The following KCNJ3 variants were observed in gnomAD, a reference collection of about 807,000 sequenced individuals.
The protein encoded by KCNJ3 is G protein-activated inward rectifier potassium channel 1.
KCNJ3 carries 4 observed loss-of-function variants against 39.2 expected under a neutral mutation model. That is an observed-to-expected ratio of 0.10 (90% confidence interval 0.05 to 0.23). The LOEUF (loss-of-function observed/expected upper bound fraction) is 0.23. Among genes scored for constraint, KCNJ3 ranks in the 10% least tolerant of loss-of-function variants. KCNJ3 has a pLI of 1.00. For missense variants in KCNJ3, 276 were observed against 634.9 expected (o/e 0.43, Z 6.08); for synonymous variants, 230 against 237.4 (o/e 0.97, Z 0.29).
intron 2 of KCNJ3, among the ~76,000 whole-genome samples, chr2:154,741,868 A>AT (rs1217663960): frequency 1.3e-5 from 2 of 151,882 alleles, no homozygotes; most frequent in East Asian, 1.9e-4. Context: ...CAAATCCTGT[A>AT]TTTTTTGTGG....
chr2:154,838,242 G>GCAT (rs1361116358), intron 2 of KCNJ3, among the ~76,000 whole-genome samples: 3 of 152,160 alleles, frequency 2.0e-5, no homozygotes, highest in Non-Finnish European at 2.9e-5. Context: ...GACATGCCAG[G>GCAT]CATCAACCAA....
intron 2 of KCNJ3, among the ~76,000 whole-genome samples, chr2:154,767,796 C>T (rs183426138): frequency 6.6e-6 from 1 of 152,322 alleles, no homozygotes; most frequent in African/African-American, 2.4e-5. Context: ...AGTTTACAGT[C>T]CCACCAACAG....
intron 2 of KCNJ3, among the ~76,000 whole-genome samples, chr2:154,827,397 T>A (rs1687288249): frequency 6.6e-6 from 1 of 152,180 alleles, no homozygotes; most frequent in Non-Finnish European, 1.5e-5. Flanking sequence ...ATTATCGTCC[T>A]GTGACTTAAT....
intron 2 of KCNJ3, among the ~76,000 whole-genome samples, chr2:154,801,495 CTTTTCTT>C (rs1426879076): frequency 6.6e-6 from 1 of 151,624 alleles, no homozygotes. Context: ...CTTTTCTTTT[CTTTTCTT>C]TTTTCTTTTC....
rs73005235 is a variant in KCNJ3 at position 154,786,465 on chromosome 2, C to T, written c.920-68262C>T. On this transcript the variant is annotated intron_variant, in intron 2 of 2. Coordinates refer to ENST00000295101, the MANE Select transcript of KCNJ3 (RefSeq NM_002239.4). Reference sequence around the variant, plus strand: ...GTATTTCAGGATCAATGATGCTATCCACCAAAGCTGTATAAATTAACAATT... The same window carrying T: ...GTATTTCAGGATCAATGATGCTATCTACCAAAGCTGTATAAATTAACAATT... Among the ~76,000 whole-genome samples the T allele has an allele frequency of 9.3e-3, 1,411 of 152,208 alleles. 14 individuals carry two copies. Among genetic ancestry groups the T allele is most frequent in the African/African-American group, 0.032 (1,327 of 41,524 alleles).
At chr2:154,815,336 A>T (rs1687065805) in intron 2 of KCNJ3, among the ~76,000 whole-genome samples, 1 of 152,220 alleles carries the variant, frequency 6.6e-6, no homozygotes, top group African/African-American at 2.4e-5. Context: ...CTCAATGGCT[A>T]ATTCTATTCC....
intron 2 of KCNJ3, among the ~76,000 whole-genome samples, chr2:154,829,116 ATTAT>A (rs553159052): frequency 6.6e-6 from 1 of 152,132 alleles, no homozygotes; most frequent in East Asian, 1.9e-4. Flanking sequence ...AAACTCAAAT[ATTAT>A]TTATTTATGT....
intron 2 of KCNJ3, among the ~76,000 whole-genome samples, chr2:154,825,079 T>G (rs1474745098): frequency 6.6e-6 from 1 of 152,218 alleles, no homozygotes; most frequent in Non-Finnish European, 1.5e-5. Flanking sequence ...GTTTATAACT[T>G]TTGTTTTCTT....
intron 2 of KCNJ3, among the ~76,000 whole-genome samples, chr2:154,842,218 C>G (rs1307698237): frequency 6.6e-6 from 1 of 152,182 alleles, no homozygotes; most frequent in Non-Finnish European, 1.5e-5. Flanking sequence ...CATTCAGGAG[C>G]AAGTTGTTCA....
chr2:154,828,478 G>A (rs189735242), intron 2 of KCNJ3, among the ~76,000 whole-genome samples: 1 of 152,290 alleles, frequency 6.6e-6, no homozygotes, highest in Non-Finnish European at 1.5e-5. Flanking sequence ...TGGAGCACAA[G>A]TGTTGGAATT....
intron 2 of KCNJ3, among the ~76,000 whole-genome samples, chr2:154,814,291 T>C (rs1375373165): frequency 6.6e-6 from 1 of 152,194 alleles, no homozygotes; most frequent in African/African-American, 2.4e-5. Context: ...GTGTCTAATA[T>C]AACGTATAAG....
intron 2 of KCNJ3, among the ~76,000 whole-genome samples, chr2:154,842,951 T>C (rs1344839114): frequency 1.3e-5 from 2 of 152,202 alleles, no homozygotes; most frequent in African/African-American, 4.8e-5. Context: ...AAGGTTAATA[T>C]TGTTATGTGT....
At chr2:154,849,188 C>T (rs1687714096) in intron 2 of KCNJ3, among the ~76,000 whole-genome samples, 1 of 152,120 alleles carries the variant, frequency 6.6e-6, no homozygotes, top group South Asian at 2.1e-4. Flanking sequence ...AGGGGGATAA[C>T]AGTCTCTTCC....
At chr2:154,721,631 AT>A (rs987125118) in intron 2 of KCNJ3, among the ~76,000 whole-genome samples, 16 of 152,228 alleles carry the variant, frequency 1.1e-4, no homozygotes, top group Admixed American at 1.0e-3. Context: ...CCAGAATATT[AT>A]TGGAACCAGA....
At chr2:154,759,401 G>A (rs1020358943) in intron 2 of KCNJ3, among the ~76,000 whole-genome samples, 2 of 151,132 alleles carry the variant, frequency 1.3e-5, no homozygotes, top group Admixed American at 6.6e-5. Context: ...GACCTTCATC[G>A]TGGTATTAAA....
chr2:154,739,383 C>G (rs1685603604), intron 2 of KCNJ3, among the ~76,000 whole-genome samples: 2 of 152,026 alleles, frequency 1.3e-5, no homozygotes, highest in Admixed American at 6.6e-5. Context: ...TTCCCAGTCT[C>G]TATTTAAGAT....
chr2:154,768,276 A>C (rs561172692), intron 2 of KCNJ3, among the ~76,000 whole-genome samples: 1 of 152,066 alleles, frequency 6.6e-6, no homozygotes, highest in Non-Finnish European at 1.5e-5. Context: ...CTATGTCCTG[A>C]ATTGTATTGC....
At chr2:154,775,497 A>G (rs1308598987) in intron 2 of KCNJ3, among the ~76,000 whole-genome samples, 5 of 152,172 alleles carry the variant, frequency 3.3e-5, no homozygotes, top group Non-Finnish European at 7.3e-5. Flanking sequence ...TGTTTCCTTA[A>G]TATGTACATT....
intron 2 of KCNJ3, among the ~76,000 whole-genome samples, chr2:154,820,181 CCTT>C (rs1157466333): frequency 1.3e-5 from 2 of 151,984 alleles, no homozygotes; most frequent in Non-Finnish European, 2.9e-5. Flanking sequence ...ATTATTTTTT[CCTT>C]CTTCTTCCAG....
Sources: gnomAD v4.1 joint callset for allele counts (sites outside exome capture counted in the v4.1 genomes callset) on GRCh38, gnomAD v4.1.1 for gene constraint, MANE v1.5 for transcripts, NCBI Gene and HGNC (gene_info 2026-07-23, HGNC 2026-07-21) for gene names.